SERPINA12: variants seen among roughly 807,000 people sequenced by gnomAD.
SERPINA12 encodes the protein serpin A12.
SERPINA12 carries 21 observed loss-of-function variants against 25.9 expected under a neutral mutation model. The observed-to-expected ratio is 0.81, with a 90% CI of 0.58 to 1.17. The LOEUF (loss-of-function observed/expected upper bound fraction) is 1.17, where lower values mean the gene tolerates loss of function less well. SERPINA12 is among the 50% of genes most tolerant of loss of function. SERPINA12 has a pLI of 0.00. For missense variants in SERPINA12, 562 were observed against 508.3 expected, an observed-to-expected ratio of 1.11 and a Z score of -1.02; for synonymous variants, 220 against 196.0, an observed-to-expected ratio of 1.12 and a Z score of -1.02.
rs779025538 is a variant in SERPINA12 at position 94,496,366 on chromosome 14, A to G, written c.905+7T>C. Reference sequence around the variant, plus strand: ...AAAAAGCTGCGAGGGCTAGGCACCCACTTTACCTGCGTGACAGTAATGTTT... The same window carrying G: ...AAAAAGCTGCGAGGGCTAGGCACCCGCTTTACCTGCGTGACAGTAATGTTT... On this transcript the variant is annotated splice_region_variant and intron_variant, in intron 3 of 4. Coordinates refer to ENST00000677451, the MANE Select transcript of SERPINA12 (RefSeq NM_001382267.1). 5.0e-6 allele frequency: 8 copies of G among 1,614,144 alleles called. No homozygotes were observed. Among genetic ancestry groups the G allele is most frequent in the Non-Finnish European group, 6.8e-6 (8 of 1,180,024 alleles).
At chr14:94,501,904 C>T (rs1218070670) in intron 1 of SERPINA12, among the ~76,000 whole-genome samples, 1 of 152,050 alleles carries the variant, frequency 6.6e-6, no homozygotes, top group Non-Finnish European at 1.5e-5. Context: ...GGGTTAGATG[C>T]CTGAGTAGGC....
In SERPINA12 at chr14:94,494,203, ATGT is replaced by A. The variant is rs1900299407; in HGVS notation, c.905+2167_905+2169del. ...CCCTCCCATTTCTTACCTTCTCTTCATGTTCTACACCCCCCAGTTCCCTAGGGA... is the reference window on the plus strand; with the variant it reads ...CCCTCCCATTTCTTACCTTCTCTTCATCTACACCCCCCAGTTCCCTAGGGA... On this transcript the variant is annotated intron_variant, in intron 3 of 4. Transcript: ENST00000677451. Among the ~76,000 whole-genome samples, 3 of 152,216 alleles carry A rather than the reference ATGT, an allele frequency of 2.0e-5. No homozygotes were observed. In the South Asian group the frequency reaches 6.2e-4, roughly 32 times the overall value.
Position 94,493,142 on chromosome 14 carries a change from T to C in SERPINA12, c.905+3231A>G, listed in dbSNP as rs114794045. On this transcript the variant is annotated intron_variant, in intron 3 of 4. Transcript: ENST00000677451. ...TAGCCCGTCCACCTCTGCTCTCCCA[T>C]AGCGGGCCACTGAGCTCTCTGGACT... is the stretch of plus-strand genomic sequence containing the variant. Among the ~76,000 whole-genome samples, 419 of 152,294 alleles carry C rather than the reference T, an allele frequency of 2.8e-3. 3 individuals carry two copies. Among genetic ancestry groups the C allele is most frequent in the African/African-American group, 9.6e-3 (401 of 41,570 alleles).
At chr14:94,500,458 T>A (rs926853852) in intron 1 of SERPINA12, among the ~76,000 whole-genome samples, 1 of 152,258 alleles carries the variant, frequency 6.6e-6, no homozygotes, top group South Asian at 2.1e-4. Context: ...TGCAGGGGCA[T>A]CTCAACTCTC....
chr14:94,510,588 C>T (rs529324533), upstream of SERPINA12, among the ~76,000 whole-genome samples: 225 of 152,262 alleles, frequency 1.5e-3, 2 homozygotes, highest in African/African-American at 5.3e-3. Context: ...ACCATTTCAT[C>T]CAGCAATCCC....
At chr14:94,514,147 G>A (rs543702797), upstream of SERPINA12, among the ~76,000 whole-genome samples, 69 of 152,342 alleles carry the variant, frequency 4.5e-4, no homozygotes, top group African/African-American at 1.6e-3. Context: ...TGCCGCTTAG[G>A]TACTCCATGG....
rs1467222899 is a variant in SERPINA12, at chr14:94,497,930, G to A, written c.468C>T (p.Asn156=). Residue 156 remains asparagine, a synonymous_variant, in exon 2 of 5, where the codon AAC becomes AAT. Transcript: ENST00000677451. ...PQRKFLEDAK[N]FYSAETILTN... ...TAAGGATGGTTTCGGCACTGTAAAA[G>A]TTCTTGGCATCTTCCAAAAACTTAC... 2 of 1,614,180 alleles carry A rather than the reference G, an allele frequency of 1.2e-6. No individual in the cohort carries two copies. The highest frequency in any genetic ancestry group is 1.7e-6 in the Non-Finnish European group (2 of 1,180,036).
chr14:94,498,509 A>G, intron 1 of SERPINA12, 79 bp from the exon 2 acceptor site: 2 of 1,158,696 alleles, frequency 1.7e-6, no homozygotes, highest in East Asian at 2.3e-5. Context: ...GAAAGAAGAA[A>G]TACAGTGACT....
upstream of SERPINA12, chr14:94,510,022 A>T (rs567558228): frequency 1.4e-5 from 14 of 985,336 alleles, no homozygotes; most frequent in South Asian, 6.6e-4. Flanking sequence ...CAGCCCATCC[A>T]TCCAACCCCA....
At chr14:94,489,354 A>T (rs1004738304) in intron 4 of SERPINA12, among the ~76,000 whole-genome samples, 14 of 152,222 alleles carry the variant, frequency 9.2e-5, no homozygotes, top group Non-Finnish European at 1.8e-4. Context: ...TAGGCCTGAT[A>T]ACTGTTCCAG....
At chr14:94,512,959 T>C (rs936820280), upstream of SERPINA12, among the ~76,000 whole-genome samples, 5 of 152,156 alleles carry the variant, frequency 3.3e-5, no homozygotes, top group Non-Finnish European at 1.5e-5. Context: ...AGCCCACACA[T>C]CTATTCTCCA....
rs930867853 is a variant in SERPINA12 at position 94,487,407 on chromosome 14, G to A, written c.1141C>T (p.Pro381Ser). ...TGAQTLPMET[P>S]LVVKIDKPYL... ...GGTTTGTCTATCTTGACGACGAGTG[G>A]TGTCTCCATGGGCAGAGTCTGTGCT... The change falls in exon 5 of 5, where the codon CCA becomes TCA. Residue 381 changes from proline to serine, a missense_variant. Coordinates refer to ENST00000677451, the MANE Select transcript of SERPINA12 (RefSeq NM_001382267.1). 7 of 1,614,036 alleles carry A rather than the reference G, an allele frequency of 4.3e-6. No homozygotes were observed. Among genetic ancestry groups the A allele is most frequent in the Non-Finnish European group, 5.9e-6 (7 of 1,179,946 alleles).
At chr14:94,502,441 G>T (rs1465442380) in intron 1 of SERPINA12, among the ~76,000 whole-genome samples, 2 of 152,186 alleles carry the variant, frequency 1.3e-5, no homozygotes, top group African/African-American at 4.8e-5. Flanking sequence ...GCAACAGTGA[G>T]CTGTGACAGC....
intron 3 of SERPINA12, among the ~76,000 whole-genome samples, chr14:94,495,064 C>T (rs7158638): frequency 0.036 from 3,539 of 98,250 alleles, 184 homozygotes; most frequent in African/African-American, 0.12. Flanking sequence ...ATTTCCCTTT[C>T]TTTTTTTTTT....
Position 94,491,850 on chromosome 14 carries a change from C to T in SERPINA12, c.906-2083G>A, listed in dbSNP as rs576567103. Among the ~76,000 whole-genome samples the T allele has an allele frequency of 1.5e-4, 23 of 152,060 alleles. No homozygotes were observed. The South Asian group carries it at 3.1e-3, about 21-fold the overall frequency. On this transcript the variant is annotated intron_variant, in intron 3 of 4. Transcript: ENST00000677451. ...CATTCTGGGTAAACAGAAAGATCCA[C>T]GACTCTGGAATTTGGGGGAGAACAG...
rs2068118 is a variant in SERPINA12 at position 94,501,041 on chromosome 14, A to G, written c.-33-2611T>C. 9.6e-4 allele frequency: 945 copies of G among 985,402 alleles called. 10 individuals are homozygous for G. The African/African-American group carries it at 0.015, about 16-fold the overall frequency. The allele number at this position is 985,402 out of a possible 1,614,324, so 61.0% of individuals were successfully genotyped here. On this transcript the variant is annotated intron_variant, in intron 1 of 4. Transcript: ENST00000677451. ...AAACCACTTCTTGGTAAAACTTAAT[A>G]ACAGCTGGTGATGAACAAGGGCTCT...
upstream of SERPINA12, chr14:94,511,380 T>C: frequency 2.0e-6 from 2 of 982,714 alleles, no homozygotes; most frequent in South Asian, 4.7e-5. Context: ...GGTTATTTAA[T>C]GGATGTGCAG....
intron 1 of SERPINA12, chr14:94,501,173 C>G (rs1900704806): frequency 1.0e-6 from 1 of 984,978 alleles, no homozygotes. Flanking sequence ...GTTTAGGGGG[C>G]TGCACTGTTT....
In SERPINA12 at chr14:94,498,417, G is replaced by A. The variant is rs1244060131; in HGVS notation, c.-20C>T. The A allele has an allele frequency of 6.2e-7, 1 of 1,608,230 alleles. No individual in the cohort carries two copies. The highest frequency in any genetic ancestry group is 8.5e-7 in the Non-Finnish European group (1 of 1,176,918). On this transcript the variant is annotated 5_prime_UTR_variant, in exon 2 of 5. Transcript: ENST00000677451. ...GTTCATTTTCCTTGAAGAATATCCTGTTGAGTAGTAGACCTGAGGTCAGCA... is the reference window on the plus strand; with the variant it reads ...GTTCATTTTCCTTGAAGAATATCCTATTGAGTAGTAGACCTGAGGTCAGCA...
Sources: allele counts gnomAD v4.1 joint callset (sites outside exome capture counted in the v4.1 genomes callset), GRCh38; gene constraint gnomAD v4.1.1; transcripts MANE v1.5; gene names NCBI Gene and HGNC (gene_info 2026-07-23, HGNC 2026-07-21).